Variants in ANOS1 observed in about 807,000 individuals in gnomAD.
ANOS1 encodes the protein anosmin 1.
Under a neutral mutation model 59.0 loss-of-function variants are expected in ANOS1, and 6 were observed. The observed-to-expected ratio is 0.10, with a 90% confidence interval of 0.06 to 0.20. ANOS1 has a LOEUF of 0.20. Ranked by LOEUF, ANOS1 falls within the 10% of genes least tolerant of loss-of-function variation. ANOS1 has a pLI of 1.00. For missense variants in ANOS1, 433 were observed against 542.3 expected, an observed-to-expected ratio of 0.80 and a Z score of 2.00; for synonymous variants, 217 against 223.4, an observed-to-expected ratio of 0.97 and a Z score of 0.25.
intron 9 of ANOS1, among the ~76,000 whole-genome samples, chrX:8,545,424 G>T (rs1929759099): frequency 9.1e-6 from 1 of 109,875 alleles, no homozygotes; most frequent in Non-Finnish European, 1.9e-5. Context: ...AGGCAGGCAG[G>T]CAGGCAGGCC....
intron 3 of ANOS1, among the ~76,000 whole-genome samples, chrX:8,599,706 T>C (rs1027950679): frequency 2.1e-4 from 23 of 111,848 alleles, no homozygotes; most frequent in Non-Finnish European, 3.6e-4. Flanking sequence ...TGGCTACTCC[T>C]CACTGTTAAA....
intron 2 of ANOS1, among the ~76,000 whole-genome samples, chrX:8,672,280 G>A (rs1932270302): frequency 8.9e-6 from 1 of 111,762 alleles, no homozygotes; most frequent in Admixed American, 9.5e-5. Flanking sequence ...CATGCAATGG[G>A]AGCTTGCAAA....
chrX:8,645,865 C>T (rs1291326845), intron 2 of ANOS1, among the ~76,000 whole-genome samples: 1 of 112,420 alleles, frequency 8.9e-6, no homozygotes, highest in African/African-American at 3.2e-5. Context: ...AACGTGGTCT[C>T]GATCTCCTGA....
At chrX:8,697,068 T>G (rs1228298559) in intron 2 of ANOS1, among the ~76,000 whole-genome samples, 1 of 111,407 alleles carries the variant, frequency 9.0e-6, no homozygotes, top group East Asian at 2.8e-4. Flanking sequence ...ATGGAGAAAC[T>G]CCATCTCTAC....
rs1437237204 is a variant in ANOS1 at position 8,666,743 on chromosome X, C to T, written c.255+32955G>A. On this transcript the variant is annotated intron_variant, in intron 2 of 13. Coordinates refer to ENST00000262648, the MANE Select transcript of ANOS1 (RefSeq NM_000216.4). ...GTTTTTGTACTAAATGAAACTGTGG[C>T]GTCCATCCAAAATGTGGACATTGAC... is the stretch of plus-strand genomic sequence containing the variant. Among the ~76,000 whole-genome samples, 4 of 112,127 alleles carry T rather than the reference C, an allele frequency of 3.6e-5. 1 individual carries two copies. The highest frequency in any genetic ancestry group is 9.7e-5 in the African/African-American group (3 of 30,850).
rs190334721 is a variant in ANOS1 at position 8,684,451 on chromosome X, T to C, written c.255+15247A>G. Among the ~76,000 whole-genome samples the C allele has an allele frequency of 3.2e-3, 359 of 111,501 alleles. 1 individual carries two copies. The highest frequency in any genetic ancestry group is 4.5e-3 in the Non-Finnish European group (240 of 53,103). ...CGTAATGTGAATTCCCCAGAGTCGG[T>C]ACACTGTGCTCACTGAAGCAGATGA... On this transcript the variant is annotated intron_variant, in intron 2 of 13. Transcript: ENST00000262648.
At chrX:8,645,359 C>CA (rs1931735010) in intron 2 of ANOS1, among the ~76,000 whole-genome samples, 1 of 111,808 alleles carries the variant, frequency 8.9e-6, no homozygotes, top group Non-Finnish European at 1.9e-5. Flanking sequence ...TGTGAATTGA[C>CA]AAAGATTCTC....
rs1336603158 is a variant in ANOS1, at chrX:8,533,475, C to G, written c.1985-422G>C. On this transcript the variant is annotated intron_variant, in intron 13 of 13. Coordinates refer to ENST00000262648, the MANE Select transcript of ANOS1 (RefSeq NM_000216.4). ...CATTGTGATAGTTTTTGTTTTTCTT[C>G]AAATTATAAGCATACCAAGTTATCA... Among the ~76,000 whole-genome samples the G allele has an allele frequency of 3.6e-5, 4 of 112,138 alleles. No homozygotes were observed. The East Asian group carries it at 1.1e-3, about 31-fold the overall frequency.
Position 8,529,502 on chromosome X carries a change from A to T in ANOS1, c.*3493T>A, listed in dbSNP as rs1275099860. 1 of 112,243 alleles carries T rather than the reference A, an allele frequency of 8.9e-6. No individual in the cohort carries two copies. The highest frequency in any genetic ancestry group is 1.9e-5 in the Non-Finnish European group (1 of 53,294). The allele number at this position is 112,243 out of a possible 1,213,427, so 9.3% of individuals were successfully genotyped here. A position where few individuals can be genotyped will look rare whatever the true frequency, so the allele number is the denominator to read the frequency against. Reference sequence around the variant, plus strand: ...GAAAGGGCATTAAATAAATAAGTCAAAATCACAAATGACATTTACGGATAC... The same window carrying T: ...GAAAGGGCATTAAATAAATAAGTCATAATCACAAATGACATTTACGGATAC... On this transcript the variant is annotated 3_prime_UTR_variant, in exon 14 of 14. Coordinates refer to ENST00000262648, the MANE Select transcript of ANOS1 (RefSeq NM_000216.4).
At chrX:8,568,796 G>A (rs1283020431) in intron 7 of ANOS1, among the ~76,000 whole-genome samples, 1 of 110,909 alleles carries the variant, frequency 9.0e-6, no homozygotes, top group African/African-American at 3.3e-5. Context: ...ACTCCAGCCT[G>A]GGCAACAGAG....
intron 2 of ANOS1, among the ~76,000 whole-genome samples, chrX:8,642,049 T>C (rs1191018463): frequency 8.9e-6 from 1 of 111,781 alleles, no homozygotes; most frequent in African/African-American, 3.3e-5. Context: ...TTAAGACTTG[T>C]ACACAAATGC....
intron 2 of ANOS1, among the ~76,000 whole-genome samples, chrX:8,665,101 G>A (rs1932112857): frequency 9.0e-6 from 1 of 111,689 alleles, no homozygotes; most frequent in South Asian, 3.7e-4. Context: ...TGCAAAGGCG[G>A]GACGTGCTCC....
intron 6 of ANOS1, among the ~76,000 whole-genome samples, chrX:8,584,429 TTTA>T (rs1930475864): frequency 9.3e-6 from 1 of 107,556 alleles, no homozygotes; most frequent in Non-Finnish European, 1.9e-5. Flanking sequence ...TTTGTTTGTT[TTTA>T]AAAAAAAGAG....
rs754192789 is a variant in ANOS1, at chrX:8,703,516, A to G, written c.208-3771T>C. Among the ~76,000 whole-genome samples the G allele has an allele frequency of 3.6e-5, 4 of 112,056 alleles. No homozygotes were observed. In the East Asian group the frequency reaches 1.1e-3, roughly 31 times the overall value. ...CATTTATTCATTTTACAGTTAAGAA[A>G]CCTGTAGTCAGGGAAACCAAGTAAA... On this transcript the variant is annotated intron_variant, in intron 1 of 13. Coordinates refer to ENST00000262648, the MANE Select transcript of ANOS1 (RefSeq NM_000216.4).
chrX:8,663,552 A>C (rs1330724894), intron 2 of ANOS1, among the ~76,000 whole-genome samples: 1 of 111,791 alleles, frequency 8.9e-6, no homozygotes, highest in Admixed American at 9.5e-5. Flanking sequence ...TGCTTGTAAG[A>C]TAACAAAACT....
At chrX:8,668,246 T>C (rs933110326) in intron 2 of ANOS1, among the ~76,000 whole-genome samples, 5 of 107,217 alleles carry the variant, frequency 4.7e-5, no homozygotes, top group African/African-American at 1.7e-4. Flanking sequence ...TGCATCCTCA[T>C]AGCTTAGCTC....
chrX:8,720,383 C>T (rs1025089948), intron 1 of ANOS1, among the ~76,000 whole-genome samples: 6 of 111,321 alleles, frequency 5.4e-5, no homozygotes, highest in African/African-American at 2.0e-4. Context: ...CGATAAAACT[C>T]TGCTATTTCA....
intron 1 of ANOS1, among the ~76,000 whole-genome samples, chrX:8,708,524 A>C (rs962920014): frequency 8.9e-6 from 1 of 112,371 alleles, no homozygotes; most frequent in Non-Finnish European, 1.9e-5. Context: ...GCTCATCATC[A>C]CTGGTCATTA....
intron 9 of ANOS1, among the ~76,000 whole-genome samples, chrX:8,552,855 ATCT>A (rs981315459): frequency 9.1e-6 from 1 of 109,845 alleles, no homozygotes; most frequent in African/African-American, 3.3e-5. Flanking sequence ...ACATAATATA[ATCT>A]TAATGCAATA....
Sources: allele counts gnomAD v4.1 joint callset (sites outside exome capture counted in the v4.1 genomes callset), GRCh38; gene constraint gnomAD v4.1.1; transcripts MANE v1.5; gene names NCBI Gene and HGNC (gene_info 2026-07-23, HGNC 2026-07-21).